HERC2: variants seen among roughly 807,000 people sequenced by gnomAD.
HERC2 encodes the protein HECT and RLD domain containing E3 ubiquitin protein ligase 2.
HERC2 carries 102 observed loss-of-function variants against 537.7 expected under a neutral mutation model. That is an observed-to-expected ratio of 0.19 (90% CI 0.16 to 0.22). HERC2 has a LOEUF of 0.22. HERC2 is among the 10% of genes least tolerant of loss of function. The probability of loss-of-function intolerance (pLI) is 1.00; values close to 1 mark genes in which losing one functional copy is unlikely to be tolerated. For synonymous variants in HERC2, 2,224 were observed against 2,466.2 expected, an observed-to-expected ratio of 0.90 and a Z score of 2.91; for missense variants, 4,236 against 6,198.2, an observed-to-expected ratio of 0.68 and a Z score of 10.63.
chr15:28,193,552 T>C (rs1169545621), intron 52 of HERC2, among the ~76,000 whole-genome samples: 2 of 152,104 alleles, frequency 1.3e-5, no homozygotes, highest in Non-Finnish European at 2.9e-5. Flanking sequence ...AGAGGCAACA[T>C]GTGAAGAAAT....
intron 86 of HERC2, chr15:28,117,803 C>T (rs889603854): frequency 1.7e-5 from 6 of 349,316 alleles, no homozygotes; most frequent in Admixed American, 3.9e-5. Context: ...GGCTCAGGGG[C>T]CTCCAATTCC....
At position 28,113,030 on chromosome 15, in the gene HERC2, C is replaced by T. The variant is rs751250858; in HGVS notation, c.14232+41G>A. 2.7e-4 allele frequency: 419 copies of T among 1,569,418 alleles called. No individual in the cohort carries two copies. The highest frequency in any genetic ancestry group is 5.3e-4 in the Middle Eastern group (3 of 5,694). On this transcript the variant is annotated intron_variant, in intron 92 of 92. Transcript: ENST00000261609. This position sits in a 1 kb window ranked among gnomAD's most constrained non-coding sequence, Gnocchi z 7.0. ...GAGGAGCCAGCCACCCACCGTCGGC[C>T]GACATCAGCCCAGGGCCGGCAAGCC...
At chr15:28,317,669 G>A (rs948027535) in intron 2 of HERC2, among the ~76,000 whole-genome samples, 2 of 152,336 alleles carry the variant, frequency 1.3e-5, no homozygotes, top group Non-Finnish European at 2.9e-5. Context: ...AGAGAGGCAG[G>A]AGAGACATCT....
rs140664117 is a variant in HERC2 at position 28,177,498 on chromosome 15, C to T, written c.9175G>A (p.Ala3059Thr). The part of the protein sequence containing the change: ...KVAVHSGGRH[A>T]TALTVDGKVF... ...TTTCCATCGACAGTTAAAGCCGTCGCGTGCCGGCCACCTGCAACATTCACA... is the reference window on the plus strand; with the variant it reads ...TTTCCATCGACAGTTAAAGCCGTCGTGTGCCGGCCACCTGCAACATTCACA... The change falls in exon 60 of 93, where the codon GCG (alanine) becomes ACG (threonine). Residue 3059 changes from alanine (A) to threonine (T), a missense_variant. Physicochemically the swap from Ala to Thr is moderately conservative, Grantham distance 58. Coordinates refer to ENST00000261609, the MANE Select transcript of HERC2 (RefSeq NM_004667.6). The surrounding 1 kb of genome is among the most constrained non-coding windows in gnomAD (Gnocchi z 5.0). 1.1e-4 allele frequency: 175 copies of T among 1,614,212 alleles called. No individual in the cohort carries two copies. The African/African-American group carries it at 2.0e-3, about 19-fold the overall frequency.
chr15:28,230,580 T>C (rs1393545474), intron 30 of HERC2, 80 bp from the exon 31 acceptor site: 6 of 1,006,166 alleles, frequency 6.0e-6, no homozygotes, highest in South Asian at 2.9e-5. Context: ...TAGATTTACA[T>C]GAAGGACAAA....
intron 25 of HERC2, 30 bp downstream of exon 25, chr15:28,238,084 C>T (rs1902653205): frequency 2.3e-6 from 3 of 1,321,532 alleles, no homozygotes; most frequent in Non-Finnish European, 3.3e-6. Context: ...CCCTGCCATC[C>T]TCTGCATCAC....
At chr15:28,260,030 C>T (rs1368726293) in intron 16 of HERC2, among the ~76,000 whole-genome samples, 7 of 136,698 alleles carry the variant, frequency 5.1e-5, no homozygotes, top group African/African-American at 1.1e-4. Flanking sequence ...ATCCAAGTAA[C>T]ACAAGGCTTG....
At chr15:28,132,895 A>ACG in intron 79 of HERC2, 65 bp from the exon 80 acceptor site, 1 of 1,275,400 alleles carries the variant, frequency 7.8e-7, no homozygotes, top group Non-Finnish European at 1.1e-6. Flanking sequence ...TCAGTGTATT[A>ACG]AATACCTCTC....
intron 52 of HERC2, among the ~76,000 whole-genome samples, chr15:28,194,214 C>G (rs1176067481): frequency 1.3e-5 from 2 of 150,440 alleles, no homozygotes; most frequent in African/African-American, 2.4e-5. Flanking sequence ...TACAGGCGCC[C>G]GCCACCACGC....
At position 28,132,655 on chromosome 15, in the gene HERC2, G is replaced by T; in HGVS notation, c.12406C>A (p.Leu4136Met). 6.6e-7 allele frequency: 1 copy of T among 1,519,862 alleles called. No individual in the cohort carries two copies. The highest frequency in any genetic ancestry group is 8.9e-7 in the Non-Finnish European group (1 of 1,129,930). The allele number at this position is 1,519,862 out of a possible 1,614,324, so 94.1% of individuals were successfully genotyped here. The change falls in exon 80 of 93, where the codon CTG (leucine) becomes ATG (methionine). Residue 4136 changes from leucine (L) to methionine (M), a missense_variant and splice_region_variant. Around this residue, in one of 27 missense-constraint regions of HERC2, gnomAD observed 94 missense variants for 137.4 expected, o/e 0.68. Transcript: ENST00000261609. The stretch of plus-strand genomic sequence containing the variant: ...CTCTGCACACGGCGCCTCCTCACCA[G>T]CTTCGGCTTCAGCTGGTCCTCACTG... Reference protein sequence around the residue: ...SDSEDQLKPKLVEALQGHRVV... With the variant: ...SDSEDQLKPKMVEALQGHRVV...
In HERC2 at chr15:28,195,328, G is replaced by A. The variant is rs1211660189; in HGVS notation, c.8260+887C>T. On this transcript the variant is annotated intron_variant, in intron 52 of 92. Coordinates refer to ENST00000261609, the MANE Select transcript of HERC2 (RefSeq NM_004667.6). Reference sequence around the variant, plus strand: ...ATAGAAAAGTTAGCTGAGCGTGGTGGCTCAGGCCTGTAATCCCAGCTACTC... The same window carrying A: ...ATAGAAAAGTTAGCTGAGCGTGGTGACTCAGGCCTGTAATCCCAGCTACTC... Among the ~76,000 whole-genome samples the A allele has an allele frequency of 2.0e-5, 3 of 152,010 alleles. No homozygotes were observed. The South Asian group carries it at 6.2e-4, about 32-fold the overall frequency.
intron 39 of HERC2, among the ~76,000 whole-genome samples, chr15:28,215,305 C>T (rs530757618): frequency 4.2e-4 from 64 of 152,268 alleles, no homozygotes; most frequent in African/African-American, 1.4e-3. Context: ...AAAAAAGCAA[C>T]ATTACAGATG....
chr15:28,124,289 A>T, intron 84 of HERC2, 55 bp from the exon 85 acceptor site: 1 of 1,190,704 alleles, frequency 8.4e-7, no homozygotes, highest in Non-Finnish European at 1.1e-6. Flanking sequence ...CACGGGGGCC[A>T]GTGTGGCATC....
At chr15:28,303,699 T>C (rs1228384236) in intron 2 of HERC2, among the ~76,000 whole-genome samples, 3 of 152,232 alleles carry the variant, frequency 2.0e-5, no homozygotes, top group Non-Finnish European at 4.4e-5. Flanking sequence ...TATCTTTTCC[T>C]TTTTTGTGTG....
In HERC2 at chr15:28,167,768, G is replaced by A; in HGVS notation, c.10473C>T (p.Ala3491=). The A allele has an allele frequency of 6.2e-7, 1 of 1,614,200 alleles. No homozygotes were observed. Among genetic ancestry groups the A allele is most frequent in the Non-Finnish European group, 8.5e-7 (1 of 1,180,032 alleles). The change falls in exon 68 of 93, where the codon GCC becomes GCT. Residue 3491 remains alanine (A), a synonymous_variant. Transcript: ENST00000261609. ...TCACTGGGATAAAAGGCCGAGCGGA[G>A]GCTGAGGGGGCCGACGGAGTCACTG... The part of the protein sequence containing the change: ...PSAVTPSAPS[A]SARPFIPVTD...
chr15:28,302,036 G>A (rs2141216684), intron 2 of HERC2, among the ~76,000 whole-genome samples: 1 of 148,918 alleles, frequency 6.7e-6, no homozygotes, highest in African/African-American at 2.5e-5. Context: ...TTGACCTCAT[G>A]ATCCACCTGC....
chr15:28,153,349 G>A (rs1185990320), intron 69 of HERC2, among the ~76,000 whole-genome samples: 3 of 151,914 alleles, frequency 2.0e-5, no homozygotes, highest in Middle Eastern at 3.4e-3. Context: ...GCGAGACTGC[G>A]TCTCAAACAA....
chr15:28,165,362 C>T (rs2142466006), intron 68 of HERC2, among the ~76,000 whole-genome samples: 1 of 152,252 alleles, frequency 6.6e-6, no homozygotes, highest in African/African-American at 2.4e-5. Flanking sequence ...ATGACAGGAG[C>T]CAGGTTTCCC....
chr15:28,124,333 C>A (rs113047450), intron 84 of HERC2, 99 bp from the exon 85 acceptor site: 2 of 742,358 alleles, frequency 2.7e-6, no homozygotes, highest in East Asian at 6.5e-5. Context: ...GTTTCAAATA[C>A]AGAGAAGCAC....
Sources: gnomAD v4.1 joint callset for allele counts (sites outside exome capture counted in the v4.1 genomes callset) on GRCh38, gnomAD v4.1.1 for gene constraint, gnomAD v4.1.1 regional missense constraint, Gnocchi (gnomAD v3.1) non-coding constraint, MANE v1.5 for transcripts, NCBI Gene and HGNC (gene_info 2026-07-23, HGNC 2026-07-21) for gene names.